Variants in LEKR1 observed in about 807,000 individuals in gnomAD.
LEKR1 encodes the protein leucine, glutamate and lysine rich 1.
In LEKR1, 59 loss-of-function variants were observed where a neutral mutation model predicts 72.4. That is an observed-to-expected ratio of 0.82 (90% CI 0.66 to 1.01). The LOEUF (loss-of-function observed/expected upper bound fraction) is 1.01. LEKR1 is among the 50% of genes least tolerant of loss of function. LEKR1 has a pLI of 0.00. For synonymous variants in LEKR1, 257 were observed against 263.2 expected (o/e 0.98, Z 0.23); for missense variants, 728 against 759.2 (o/e 0.96, Z 0.48).
intron 11 of LEKR1, among the ~76,000 whole-genome samples, chr3:157,027,180 G>A (rs1257473166): frequency 6.6e-6 from 1 of 150,726 alleles, no homozygotes. Flanking sequence ...TACAAATCTT[G>A]CTTTTTTTTT....
At chr3:156,831,156 T>C (rs1470178117) in intron 2 of LEKR1, among the ~76,000 whole-genome samples, 1 of 152,006 alleles carries the variant, frequency 6.6e-6, no homozygotes, top group Non-Finnish European at 1.5e-5. Context: ...GATGCAGTCA[T>C]AGGGGTGTAG....
At chr3:156,949,606 G>A (rs1028810055) in intron 6 of LEKR1, among the ~76,000 whole-genome samples, 13 of 150,776 alleles carry the variant, frequency 8.6e-5, no homozygotes, top group African/African-American at 2.9e-4. Context: ...AACTCCTCTG[G>A]GCCTTAGTTT....
At chr3:157,039,728 T>C (rs1308591461) in intron 12 of LEKR1, among the ~76,000 whole-genome samples, 2 of 152,338 alleles carry the variant, frequency 1.3e-5, no homozygotes, top group African/African-American at 4.8e-5. Flanking sequence ...AAATAGTTTA[T>C]TTGCAAGAGG....
chr3:156,860,843 C>T (rs1380304993), intron 3 of LEKR1, among the ~76,000 whole-genome samples: 1 of 152,154 alleles, frequency 6.6e-6, no homozygotes, highest in Non-Finnish European at 1.5e-5. Context: ...ATCTCTCATT[C>T]TGTCTTGCTC....
chr3:156,880,582 G>C (rs13090424), intron 3 of LEKR1, among the ~76,000 whole-genome samples: 1 of 152,218 alleles, frequency 6.6e-6, no homozygotes, highest in South Asian at 2.1e-4. Flanking sequence ...CAAGGAGGAA[G>C]TGGTACCATT....
chr3:156,993,020 A>G, intron 8 of LEKR1, 54 bp from the exon 9 acceptor site: 4 of 898,374 alleles, frequency 4.5e-6, no homozygotes, highest in Non-Finnish European at 6.7e-6. Context: ...TTTGGTAAAT[A>G]TAAAATGTAG....
chr3:156,856,791 T>G (rs986985234), intron 3 of LEKR1, among the ~76,000 whole-genome samples: 23 of 152,116 alleles, frequency 1.5e-4, no homozygotes, highest in Admixed American at 4.6e-4. Flanking sequence ...TTTTTTAATT[T>G]TCTTGAATAT....
chr3:157,016,078 C>A (rs1733298359), intron 10 of LEKR1, among the ~76,000 whole-genome samples: 1 of 152,022 alleles, frequency 6.6e-6, no homozygotes, highest in South Asian at 2.1e-4. Context: ...GAAAGAACAT[C>A]AGTGAGCCAT....
intron 3 of LEKR1, among the ~76,000 whole-genome samples, chr3:156,882,278 C>A (rs1719470287): frequency 6.6e-6 from 1 of 151,494 alleles, no homozygotes; most frequent in Admixed American, 6.6e-5. Context: ...TATCCAGAAT[C>A]TACAATGAAC....
rs1292921304 is a variant in LEKR1, at chr3:156,993,266, G to A, written c.1098G>A (p.Leu366=). ...LNQTREEVLT[L]KNERELMLIS... ...AGACAAGGGAAGAGGTTTTAACACTGAAAAATGAAAGGTGCAGTAAACAAT... is the reference window on the plus strand; with the variant it reads ...AGACAAGGGAAGAGGTTTTAACACTAAAAAATGAAAGGTGCAGTAAACAAT... Residue 366 remains leucine, a synonymous_variant, in exon 9 of 13, where the codon CTG becomes CTA. Coordinates refer to ENST00000356539, the MANE Select transcript of LEKR1 (RefSeq NM_001004316.3). The A allele has an allele frequency of 1.3e-6, 2 of 1,586,382 alleles. No individual in the cohort carries two copies. Among genetic ancestry groups the A allele is most frequent in the African/African-American group, 1.4e-5 (1 of 72,978 alleles).
At chr3:156,903,396 T>C (rs138118119) in intron 3 of LEKR1, among the ~76,000 whole-genome samples, 187 of 152,242 alleles carry the variant, frequency 1.2e-3, no homozygotes, top group African/African-American at 4.3e-3. Context: ...AACTGTATAC[T>C]TCCCATTTTT....
chr3:157,024,874 C>T lies in LEKR1; in HGVS notation c.1318C>T (p.Gln440Ter), dbSNP rs1734079252. The change falls in exon 11 of 13, where the codon CAA becomes TAA. Residue 440 changes from glutamine to a stop codon, truncating the protein, a stop_gained. Transcript: ENST00000356539. LOFTEE classifies it high-confidence loss of function. ...LQLDIEKEKH[Q>*]DVIQKYKKEQ... Reference sequence around the variant, plus strand: ...ACTTGATATTGAAAAAGAAAAACACCAAGATGTAATCCAAAAGTATAAGAA... The same window carrying T: ...ACTTGATATTGAAAAAGAAAAACACTAAGATGTAATCCAAAAGTATAAGAA... The T allele has an allele frequency of 6.2e-7, 1 of 1,606,802 alleles. No individual in the cohort carries two copies. The highest frequency in any genetic ancestry group is 1.1e-5 in the South Asian group (1 of 90,510).
At position 157,045,893 on chromosome 3, in the gene LEKR1, CT is replaced by C. The variant is rs1465379947; in HGVS notation, c.*144del. 1 of 725,202 alleles carries C rather than the reference CT, an allele frequency of 1.4e-6. No individual in the cohort carries two copies. Among genetic ancestry groups the C allele is most frequent in the East Asian group, 2.7e-5 (1 of 36,638 alleles). 44.9% of individuals were successfully genotyped at this position (725,202 alleles called of 1,614,324 possible). ...ACCTATAGATGTATTTAACAAAAGA[CT>C]GTAAAAAGCTGGAAAATTGTGAAGC... On this transcript the variant is annotated 3_prime_UTR_variant, in exon 13 of 13. Transcript: ENST00000356539.
chr3:156,837,825 G>A (rs185929361), intron 2 of LEKR1, among the ~76,000 whole-genome samples: 5 of 152,244 alleles, frequency 3.3e-5, no homozygotes, highest in African/African-American at 4.8e-5. Context: ...CCCTTTTGCC[G>A]GCATGCTAGC....
intron 3 of LEKR1, among the ~76,000 whole-genome samples, chr3:156,858,231 T>G (rs1321217707): frequency 6.6e-6 from 1 of 152,108 alleles, no homozygotes; most frequent in Non-Finnish European, 1.5e-5. Flanking sequence ...TTTATTTGCG[T>G]TTGATTGAGA....
chr3:156,981,773 G>A (rs1222271408), intron 7 of LEKR1, among the ~76,000 whole-genome samples: 1 of 152,322 alleles, frequency 6.6e-6, no homozygotes, highest in East Asian at 1.9e-4. Flanking sequence ...TTTTTGTAAT[G>A]ATAAGTTTGA....
At chr3:156,908,788 C>G (rs772462651) in intron 3 of LEKR1, among the ~76,000 whole-genome samples, 2 of 150,724 alleles carry the variant, frequency 1.3e-5, no homozygotes, top group Non-Finnish European at 3.0e-5. Flanking sequence ...TTTTTTTTGT[C>G]ATTTGTACCC....
chr3:156,953,281 T>C (rs1384284326), intron 6 of LEKR1, among the ~76,000 whole-genome samples: 1 of 151,582 alleles, frequency 6.6e-6, no homozygotes, highest in African/African-American at 2.4e-5. Flanking sequence ...ATGGTTAACA[T>C]TGTACACTAG....
intron 3 of LEKR1, among the ~76,000 whole-genome samples, chr3:156,902,976 A>G (rs1331415569): frequency 3.9e-5 from 6 of 152,086 alleles, no homozygotes; most frequent in Non-Finnish European, 5.9e-5. Flanking sequence ...TATTACATTG[A>G]GTAAATAATT....
Sources: allele counts gnomAD v4.1 joint callset (sites outside exome capture counted in the v4.1 genomes callset), GRCh38; gene constraint gnomAD v4.1.1; transcripts MANE v1.5; gene names NCBI Gene and HGNC (gene_info 2026-07-23, HGNC 2026-07-21).